RGS8: variants seen among roughly 807,000 people sequenced by gnomAD.
The protein encoded by RGS8 is regulator of G-protein signaling 8.
A neutral mutation model predicts 21.7 loss-of-function variants in RGS8; 8 were observed. The observed-to-expected ratio is 0.37, with a 90% CI of 0.22 to 0.66. The LOEUF (loss-of-function observed/expected upper bound fraction) is 0.66, where lower values mean the gene tolerates loss of function less well. Ranked by LOEUF, RGS8 falls within the 30% of genes least tolerant of loss-of-function variation. The pLI is 0.59. For missense variants in RGS8, 157 were observed against 217.9 expected, an observed-to-expected ratio of 0.72 and a Z score of 1.76; for synonymous variants, 80 against 83.6, an observed-to-expected ratio of 0.96 and a Z score of 0.24.
chr1:182,682,017 A>C (rs1297746296), intron 1 of RGS8, among the ~76,000 whole-genome samples: 1 of 152,218 alleles, frequency 6.6e-6, no homozygotes, highest in Non-Finnish European at 1.5e-5. Flanking sequence ...CCCCCCAGGC[A>C]CAGAGGGGAA....
the RGS8 span, among the ~76,000 whole-genome samples, chr1:182,690,273 T>C: frequency 7.2e-5 from 11 of 152,182 alleles, no homozygotes; most frequent in Non-Finnish European, 1.3e-4. Flanking sequence ...ATCCTGTACT[T>C]CTCTGGTACA....
the RGS8 span, among the ~76,000 whole-genome samples, chr1:182,737,014 C>T: frequency 2.1e-4 from 32 of 152,150 alleles, no homozygotes; most frequent in East Asian, 5.4e-3. Flanking sequence ...TCAATTTCAC[C>T]GGGCCCAAAA....
the RGS8 span, among the ~76,000 whole-genome samples, chr1:182,744,051 G>A: frequency 5.8e-4 from 89 of 152,214 alleles, no homozygotes; most frequent in East Asian, 1.2e-3. Context: ...GTTCAACATC[G>A]TATTTCCAGT....
intron 2 of RGS8, 97 bp from the exon 4 acceptor site, chr1:182,669,849 C>T: frequency 5.3e-6 from 7 of 1,314,272 alleles, no homozygotes; most frequent in Non-Finnish European, 7.1e-6. Context: ...GAACACCTCC[C>T]CACACACATC....
the RGS8 span, among the ~76,000 whole-genome samples, chr1:182,731,207 T>C: frequency 6.6e-6 from 1 of 152,208 alleles, no homozygotes; most frequent in Admixed American, 6.5e-5. Context: ...TGCTGGAGAA[T>C]CTAGATAGAA....
the RGS8 span, among the ~76,000 whole-genome samples, chr1:182,737,844 G>A: frequency 6.6e-6 from 1 of 152,098 alleles, no homozygotes; most frequent in Non-Finnish European, 1.5e-5. Context: ...GAGGACCTCA[G>A]TTCACCAGCA....
chr1:182,666,754 A>G, intron 4 of RGS8, 118 bp downstream of exon 5: 1 of 724,038 alleles, frequency 1.4e-6, no homozygotes. Context: ...GGGATATAAA[A>G]GGAGCTGCCA....
intron 1 of RGS8, among the ~76,000 whole-genome samples, chr1:182,680,809 G>A (rs371722446): frequency 6.6e-6 from 1 of 152,178 alleles, no homozygotes; most frequent in Non-Finnish European, 1.5e-5. Flanking sequence ...AATGTATGTT[G>A]AGCTGACACG....
At chr1:182,720,566 T>C in the RGS8 span, among the ~76,000 whole-genome samples, 2 of 152,176 alleles carry the variant, frequency 1.3e-5, no homozygotes, top group Non-Finnish European at 1.5e-5. Context: ...CTCAGAGATG[T>C]GCCAACTCTG....
downstream of RGS8, chr1:182,645,141 T>C (rs1055771840): frequency 1.3e-5 from 2 of 152,202 alleles, no homozygotes; most frequent in African/African-American, 4.8e-5. Context: ...AGCATAACGT[T>C]AAAAGGCCCC....
chr1:182,722,343 G>A, the RGS8 span, among the ~76,000 whole-genome samples: 7 of 141,226 alleles, frequency 5.0e-5, no homozygotes, highest in Middle Eastern at 4.1e-3. Context: ...GAGTTTCTTG[G>A]GGCTGCCATA....
the RGS8 span, among the ~76,000 whole-genome samples, chr1:182,711,722 T>G: frequency 1.4e-4 from 22 of 152,208 alleles, no homozygotes; most frequent in Middle Eastern, 6.3e-3. Context: ...CCTTGGCATC[T>G]GCATTAACAG....
chr1:182,742,693 C>T, the RGS8 span, among the ~76,000 whole-genome samples: 1 of 152,112 alleles, frequency 6.6e-6, no homozygotes, highest in Non-Finnish European at 1.5e-5. Context: ...GCAGCAGTAC[C>T]GTCCAGCTTT....
At chr1:182,672,320 G>A (rs949482229), upstream of RGS8, 1 of 180,142 alleles carries the variant, frequency 5.6e-6, no homozygotes, top group African/African-American at 2.4e-5. Flanking sequence ...GCCAGGAGGA[G>A]GGGGGCTGTC....
chr1:182,671,142 C>A (rs936292621), intron 2 of RGS8, among the ~76,000 whole-genome samples: 5 of 152,178 alleles, frequency 3.3e-5, no homozygotes, highest in African/African-American at 1.2e-4. Flanking sequence ...ACTGGCTTGC[C>A]CATGCTGTTC....
intron 2 of RGS8, among the ~76,000 whole-genome samples, chr1:182,670,426 G>C (rs79700006): frequency 0.029 from 4,409 of 152,358 alleles, 106 homozygotes; most frequent in African/African-American, 0.065. Flanking sequence ...AGTGTGGGAA[G>C]ACAGGGGTCA....
chr1:182,648,116 T>C (rs768604046), intron 6 of RGS8, 21 bp downstream of exon 7: 3 of 1,581,684 alleles, frequency 1.9e-6, no homozygotes, highest in Admixed American at 3.5e-5. Context: ...ATAGACAGGA[T>C]GGTCGCCGCT....
the RGS8 span, among the ~76,000 whole-genome samples, chr1:182,699,136 C>T: frequency 3.3e-5 from 5 of 152,302 alleles, no homozygotes; most frequent in South Asian, 8.3e-4. Flanking sequence ...TATTAAAAGC[C>T]GCCTCTCCAG....
the RGS8 span, among the ~76,000 whole-genome samples, chr1:182,704,529 G>C: frequency 2.6e-5 from 4 of 152,172 alleles, no homozygotes; most frequent in African/African-American, 9.7e-5. Flanking sequence ...GGTAAGGGGG[G>C]GCATCTTGGA....
Sources: allele counts gnomAD v4.1 joint callset (sites outside exome capture counted in the v4.1 genomes callset), GRCh38; gene constraint gnomAD v4.1.1; transcripts MANE v1.5; gene names NCBI Gene and HGNC (gene_info 2026-07-23, HGNC 2026-07-21).